The following AXL variants were observed in gnomAD, a reference collection of about 807,000 sequenced individuals.
AXL encodes tyrosine-protein kinase receptor UFO.
In AXL, 52 loss-of-function variants were observed where a neutral mutation model predicts 104.5. The ratio of observed to expected loss-of-function variants is 0.50; its 90% CI spans 0.40 to 0.63. AXL has a LOEUF of 0.63. Among genes scored for constraint, AXL ranks in the 20% least tolerant of loss-of-function variants. The pLI is 0.00. For synonymous variants in AXL, 455 were observed against 473.7 expected (o/e 0.96, Z 0.51); for missense variants, 1,024 against 1,188.5 (o/e 0.86, Z 2.04).
At chr19:41,254,071 T>C (rs2034413367) in intron 17 of AXL, among the ~76,000 whole-genome samples, 2 of 151,702 alleles carry the variant, frequency 1.3e-5, no homozygotes, top group African/African-American at 4.8e-5. Flanking sequence ...GCGGCCACAC[T>C]GGATAAGAAA....
chr19:41,231,629 CA>C (rs1314841274), intron 6 of AXL, among the ~76,000 whole-genome samples: 3 of 152,042 alleles, frequency 2.0e-5, no homozygotes, highest in Non-Finnish European at 4.4e-5. Context: ...ACATAGGAAA[CA>C]AATTTAACAA....
At chr19:41,253,570 C>T (rs2034402070) in intron 16 of AXL, 29 bp from the exon 17 acceptor site, 1 of 1,538,078 alleles carries the variant, frequency 6.5e-7, no homozygotes, top group Non-Finnish European at 9.0e-7. Flanking sequence ...CTCTGTTGAC[C>T]TCTCCTCCCA....
chr19:41,252,619 C>A (rs1016020917), intron 15 of AXL, among the ~76,000 whole-genome samples, 176 bp downstream of exon 15: 1 of 152,204 alleles, frequency 6.6e-6, no homozygotes, highest in East Asian at 1.9e-4. Context: ...GACCTCTGAT[C>A]ATTCCCAGAA....
intron 8 of AXL, 65 bp from the exon 9 acceptor site, chr19:41,239,099 C>T (rs773161244): frequency 2.6e-5 from 41 of 1,586,080 alleles, no homozygotes; most frequent in Non-Finnish European, 3.2e-5. Flanking sequence ...GCATTGAGCC[C>T]GAGAGTGAAG....
chr19:41,224,695 T>C (rs2033847664), intron 4 of AXL, among the ~76,000 whole-genome samples: 1 of 152,126 alleles, frequency 6.6e-6, no homozygotes, highest in African/African-American at 2.4e-5. Context: ...CTCAGCCTCT[T>C]ACCAGCTTTC....
At chr19:41,254,847 G>A (rs971536916) in intron 17 of AXL, among the ~76,000 whole-genome samples, 1 of 152,170 alleles carries the variant, frequency 6.6e-6, no homozygotes, top group African/African-American at 2.4e-5. Context: ...CCAGGAGGTT[G>A]AGGCTGAAGT....
chr19:41,227,581 G>A (rs1463509258), intron 4 of AXL, among the ~76,000 whole-genome samples: 1 of 151,682 alleles, frequency 6.6e-6, no homozygotes, highest in African/African-American at 2.4e-5. Context: ...CGCAGCCCGG[G>A]TTCTAGCAGT....
chr19:41,225,797 A>G (rs898786212), intron 4 of AXL, among the ~76,000 whole-genome samples: 1 of 152,020 alleles, frequency 6.6e-6, no homozygotes. Context: ...TTCTGTGCTA[A>G]TAACAGCCCC....
At chr19:41,233,665 T>G (rs1163910782) in intron 6 of AXL, among the ~76,000 whole-genome samples, 2 of 146,796 alleles carry the variant, frequency 1.4e-5, no homozygotes, top group Non-Finnish European at 3.0e-5. Flanking sequence ...GCTATTAATC[T>G]TCCCGTTTTC....
In AXL at chr19:41,238,472, C is replaced by A. The variant is rs1422151593; in HGVS notation, c.997C>A (p.Pro333Thr). Residue 333 changes from proline to threonine, a missense_variant and splice_region_variant, in exon 8 of 20, where the codon CCC becomes ACC. By Grantham distance (38) the Pro-to-Thr change is conservative (BLOSUM62 -1). Coordinates refer to ENST00000301178, the MANE Select transcript of AXL (RefSeq NM_021913.5). ...WLPVETPEGV[P>T]LGPPENISAT... ...TTCCCCTCTTCCCTGTCCTCCAGTGCCCCTGGGCCCCCCTGAGAACATTAG... is the reference window on the plus strand; with the variant it reads ...TTCCCCTCTTCCCTGTCCTCCAGTGACCCTGGGCCCCCCTGAGAACATTAG... 6 of 1,609,480 alleles carry A rather than the reference C, an allele frequency of 3.7e-6. No homozygotes were observed. Among genetic ancestry groups the A allele is most frequent in the Non-Finnish European group, 5.1e-6 (6 of 1,176,502 alleles).
At chr19:41,242,277 A>T (rs1170216885) in intron 10 of AXL, among the ~76,000 whole-genome samples, 2 of 150,870 alleles carry the variant, frequency 1.3e-5, no homozygotes, top group Non-Finnish European at 2.9e-5. Flanking sequence ...TCAGGTTAAA[A>T]GTCTGATGCT....
intron 10 of AXL, among the ~76,000 whole-genome samples, chr19:41,241,485 A>G (rs998039231): frequency 6.7e-6 from 1 of 149,414 alleles, no homozygotes; most frequent in Admixed American, 6.8e-5. Flanking sequence ...CGGAGGTTAC[A>G]GTGAGCCAAG....
Position 41,256,619 on chromosome 19 carries a change from C to T in AXL, c.2196+8C>T. On this transcript the variant is annotated splice_region_variant and intron_variant, in intron 18 of 19. Coordinates refer to ENST00000301178, the MANE Select transcript of AXL (RefSeq NM_021913.5). Reference sequence around the variant, plus strand: ...ACCAGCAAGAGCGATGTGGTAGGTGCACTCCCGCCAAGAGTGGGGAACCAT... The same window carrying T: ...ACCAGCAAGAGCGATGTGGTAGGTGTACTCCCGCCAAGAGTGGGGAACCAT... 1 of 1,611,586 alleles carries T rather than the reference C, an allele frequency of 6.2e-7. No homozygotes were observed. Among genetic ancestry groups the T allele is most frequent in the Middle Eastern group, 1.7e-4 (1 of 6,054 alleles).
chr19:41,242,179 G>C (rs1253028124), intron 10 of AXL, among the ~76,000 whole-genome samples: 1 of 151,738 alleles, frequency 6.6e-6, no homozygotes, highest in Non-Finnish European at 1.5e-5. Context: ...CCACTCTTCT[G>C]TTTTTTTGGA....
rs754769605 is a variant in AXL at position 41,221,177 on chromosome 19, C to G, written c.340C>G (p.Gln114Glu). The G allele has an allele frequency of 1.9e-6, 3 of 1,614,080 alleles. No homozygotes were observed. Among genetic ancestry groups the G allele is most frequent in the Admixed American group, 3.3e-5 (2 of 59,990 alleles). ...CTCCCTGCAGCTTTCCGACACGGGA[C>G]AGTACCAGTGTTTGGTGTTTCTGGG... ...ITSLQLSDTG[Q>E]YQCLVFLGHQ... is the part of the protein sequence containing the mutation. Residue 114 changes from glutamine (Q) to glutamate (E), a missense_variant, in exon 3 of 20, where the codon CAG (glutamine) becomes GAG (glutamate). Physicochemically the swap from Gln to Glu is conservative, Grantham distance 29. Around this residue, in one of 5 missense-constraint regions of AXL, gnomAD observed 41 missense variants for 76.2 expected, o/e 0.54. Transcript: ENST00000301178.
intron 4 of AXL, among the ~76,000 whole-genome samples, chr19:41,226,543 C>G (rs766603750): frequency 3.3e-5 from 5 of 152,212 alleles, no homozygotes; most frequent in African/African-American, 1.2e-4. Flanking sequence ...GACTTTGCAC[C>G]ATTCCACTCC....
chr19:41,219,281 CA>C lies in AXL; in HGVS notation c.-111del. 9.6e-7 allele frequency: 1 copy of C among 1,038,958 alleles called. No individual in the cohort carries two copies. The allele number at this position is 1,038,958 out of a possible 1,614,324, so 64.4% of individuals were successfully genotyped here. A position where few individuals can be genotyped will look rare whatever the true frequency, so the allele number is the denominator to read the frequency against. On this transcript the variant is annotated 5_prime_UTR_variant, in exon 1 of 20. Transcript: ENST00000301178. Reference sequence around the variant, plus strand: ...GGGCCTCCCCTGCCGCTGTGCCAGGCAGGCAGTGCCAAATCCGGGGAGCCTG... The same window carrying C: ...GGGCCTCCCCTGCCGCTGTGCCAGGCGGCAGTGCCAAATCCGGGGAGCCTG...
At chr19:41,252,785 G>T (rs978524797) in intron 15 of AXL, 61 bp from the exon 16 acceptor site, 1 of 1,606,262 alleles carries the variant, frequency 6.2e-7, no homozygotes, top group Non-Finnish European at 8.5e-7. Flanking sequence ...AGGCTGGCTG[G>T]TGGGGGGCTT....
chr19:41,252,466 G>C (rs2034381797), intron 15 of AXL, 23 bp downstream of exon 15: 5 of 1,610,994 alleles, frequency 3.1e-6, no homozygotes, highest in Non-Finnish European at 4.2e-6. Context: ...CAGATTCAAG[G>C]GGTCTACAAG....
Sources: allele counts gnomAD v4.1 joint callset (sites outside exome capture counted in the v4.1 genomes callset), GRCh38; gene constraint gnomAD v4.1.1; regional missense constraint gnomAD v4.1.1; transcripts MANE v1.5; gene names NCBI Gene and HGNC (gene_info 2026-07-23, HGNC 2026-07-21).